Variants in MAP4K5 observed in about 807,000 individuals in gnomAD.
The protein encoded by MAP4K5 is MAPK/ERK kinase kinase kinase 5.
MAP4K5 carries 82 observed loss-of-function variants against 135.6 expected under a neutral mutation model. That is an observed-to-expected ratio of 0.60 (90% CI 0.51 to 0.73). The LOEUF (loss-of-function observed/expected upper bound fraction) is 0.73. MAP4K5 is among the 30% of genes least tolerant of loss of function. The pLI, the probability that MAP4K5 is intolerant of heterozygous loss-of-function variation, is 0.00. For missense variants in MAP4K5, 907 were observed against 1,010.9 expected (o/e 0.90, Z 1.39); for synonymous variants, 347 against 335.0 (o/e 1.04, Z -0.39).
At chr14:50,533,379 CA>C (rs1280558679), upstream of MAP4K5, 3 of 152,054 alleles carry the variant, frequency 2.0e-5, no homozygotes, top group Non-Finnish European at 4.4e-5. Context: ...TAAGATTTTG[CA>C]TCTGACACCC....
intron 6 of MAP4K5, among the ~76,000 whole-genome samples, chr14:50,476,870 T>C (rs1223238056): frequency 1.3e-5 from 2 of 152,222 alleles, no homozygotes; most frequent in African/African-American, 4.8e-5. Context: ...GTGGTGCTCC[T>C]TTATAATTTT....
chr14:50,513,671 C>T (rs559613403), intron 2 of MAP4K5, among the ~76,000 whole-genome samples: 1 of 152,150 alleles, frequency 6.6e-6, no homozygotes, highest in East Asian at 1.9e-4. Flanking sequence ...AATGAAAAAG[C>T]TCCTGTATTT....
chr14:50,482,292 CCTTT>C (rs1445586395), intron 6 of MAP4K5, 65 bp downstream of exon 6: 55 of 869,764 alleles, frequency 6.3e-5, no homozygotes, highest in Non-Finnish European at 9.1e-5. Context: ...CAGGCAATTG[CCTTT>C]CTAACTACAT....
intron 16 of MAP4K5, among the ~76,000 whole-genome samples, chr14:50,446,727 T>C (rs2036361606): frequency 6.6e-6 from 1 of 152,112 alleles, no homozygotes. Flanking sequence ...GGCCAGAGAG[T>C]AAATACTGCA....
At chr14:50,473,547 G>A (rs2037017457) in intron 9 of MAP4K5, among the ~76,000 whole-genome samples, 1 of 151,874 alleles carries the variant, frequency 6.6e-6, no homozygotes, top group Non-Finnish European at 1.5e-5. Context: ...AATATTTCCT[G>A]TTTTTTTACT....
chr14:50,512,558 C>G (rs532892820), intron 2 of MAP4K5, among the ~76,000 whole-genome samples: 2 of 152,140 alleles, frequency 1.3e-5, no homozygotes, highest in Non-Finnish European at 2.9e-5. Flanking sequence ...TGTCAGCCTC[C>G]ATTTTGAAGA....
intron 14 of MAP4K5, chr14:50,456,265 TTC>T: frequency 1.1e-5 from 5 of 458,704 alleles, no homozygotes; most frequent in South Asian, 1.1e-4. Context: ...AATGTTAATT[TTC>T]TCTTTTTTTT....
At chr14:50,555,420 T>G (rs2038753973) in intron 1 of MAP4K5, among the ~76,000 whole-genome samples, 1 of 152,226 alleles carries the variant, frequency 6.6e-6, no homozygotes, top group African/African-American at 2.4e-5. Context: ...TAGCTGGGAC[T>G]ACAGGTGCAC....
At position 50,418,917 on chromosome 14, in the gene MAP4K5, A is replaced by T. The variant is rs1177286990; in HGVS notation, c.*1102T>A. ...GACCCTACCCTTTATTATTTTTAGA[A>T]TACTGGCTTTTAAATACTTATTGAT... On this transcript the variant is annotated 3_prime_UTR_variant, in exon 33 of 33. Transcript: ENST00000682126. 6.6e-6 allele frequency: 1 copy of T among 152,202 alleles called. No individual in the cohort carries two copies. The highest frequency in any genetic ancestry group is 2.4e-5 in the African/African-American group (1 of 41,470). 9.4% of individuals were successfully genotyped at this position (152,202 alleles called of 1,614,324 possible). A position where few individuals can be genotyped will look rare whatever the true frequency, so the allele number is the denominator to read the frequency against.
At chr14:50,481,523 A>G (rs1291944363) in intron 6 of MAP4K5, among the ~76,000 whole-genome samples, 1 of 152,130 alleles carries the variant, frequency 6.6e-6, no homozygotes, top group Non-Finnish European at 1.5e-5. Flanking sequence ...ATTTAGGGAT[A>G]GAAGCATTAA....
intron 3 of MAP4K5, among the ~76,000 whole-genome samples, chr14:50,494,023 A>G (rs778429726): frequency 9.9e-5 from 15 of 151,796 alleles, no homozygotes; most frequent in Non-Finnish European, 1.0e-4. Context: ...AAAAAGAACA[A>G]TTAGAAATAA....
intron 6 of MAP4K5, among the ~76,000 whole-genome samples, chr14:50,482,019 T>C (rs1442407094): frequency 6.6e-6 from 1 of 152,222 alleles, no homozygotes; most frequent in Non-Finnish European, 1.5e-5. Flanking sequence ...GTTTGGTAAT[T>C]CATTCTTGAA....
chr14:50,509,264 G>C (rs1232518798), intron 2 of MAP4K5, among the ~76,000 whole-genome samples: 1 of 152,072 alleles, frequency 6.6e-6, no homozygotes, highest in African/African-American at 2.4e-5. Flanking sequence ...GATAGCATTA[G>C]GAGAAATACC....
chr14:50,456,317 C>A (rs2036593294), intron 14 of MAP4K5, 199 bp downstream of exon 14: 1 of 538,908 alleles, frequency 1.9e-6, no homozygotes, highest in Non-Finnish European at 3.3e-6. Context: ...TTGTCCATAA[C>A]TGGAAAATAA....
At chr14:50,514,999 G>A (rs1019592459) in intron 2 of MAP4K5, among the ~76,000 whole-genome samples, 2 of 151,590 alleles carry the variant, frequency 1.3e-5, no homozygotes, top group Non-Finnish European at 2.9e-5. Flanking sequence ...TGCCTCCCAG[G>A]TTCAAGTAAT....
intron 2 of MAP4K5, among the ~76,000 whole-genome samples, chr14:50,539,188 G>A (rs1566704476): frequency 6.6e-6 from 1 of 152,202 alleles, no homozygotes; most frequent in East Asian, 1.9e-4. Context: ...GTATCCTGTA[G>A]CATGGAGTGG....
Position 50,428,716 on chromosome 14 carries a change from A to G in MAP4K5, c.2272T>C (p.Ser758Pro), listed in dbSNP as rs1006724435. 1.3e-6 allele frequency: 2 copies of G among 1,515,422 alleles called. No individual in the cohort carries two copies. The highest frequency in any genetic ancestry group is 4.9e-5 in the Admixed American group (2 of 40,630). 93.9% of individuals were successfully genotyped at this position (1,515,422 alleles called of 1,614,324 possible). A position where few individuals can be genotyped will look rare whatever the true frequency, so the allele number is the denominator to read the frequency against. ...KIVNLQGKLK[S>P]SKKLASELSF... ...AACTCAGAGGCCAGTTTCTTACTTG[A>G]TTTTAATTTTCCTTGTAGATTTACA... The change falls in exon 30 of 33, where the codon TCA becomes CCA. Residue 758 changes from serine (S) to proline (P), a missense_variant. Transcript: ENST00000682126.
intron 1 of MAP4K5, among the ~76,000 whole-genome samples, chr14:50,546,225 A>T (rs886709612): frequency 3.9e-5 from 6 of 152,206 alleles, no homozygotes; most frequent in African/African-American, 1.4e-4. Context: ...CCTTCACTGG[A>T]TTACCTATTA....
chr14:50,422,833 C>T (rs1192030057), intron 32 of MAP4K5, among the ~76,000 whole-genome samples: 1 of 152,086 alleles, frequency 6.6e-6, no homozygotes, highest in South Asian at 2.1e-4. Flanking sequence ...TGAAGACAAA[C>T]GGGCCCGAAA....
Sources: allele counts gnomAD v4.1 joint callset (sites outside exome capture counted in the v4.1 genomes callset), GRCh38; gene constraint gnomAD v4.1.1; transcripts MANE v1.5; gene names NCBI Gene and HGNC (gene_info 2026-07-23, HGNC 2026-07-21).